Variants in ZBTB34 observed in about 807,000 individuals in gnomAD.
The protein encoded by ZBTB34 is zinc finger and BTB domain containing 34.
A neutral mutation model predicts 33.4 loss-of-function variants in ZBTB34; 1 was observed. The ratio of observed to expected loss-of-function variants is 0.03; its 90% CI spans 0.01 to 0.14. The LOEUF is 0.14. Among genes scored for constraint, ZBTB34 ranks in the 10% least tolerant of loss-of-function variants. The pLI is 1.00. For synonymous variants in ZBTB34, 283 were observed against 253.5 expected (o/e 1.12, Z -1.11); for missense variants, 406 against 657.2 (o/e 0.62, Z 4.18).
chr9:126,862,773 GT>G (rs143677742), intron 1 of ZBTB34, among the ~76,000 whole-genome samples: 1 of 152,084 alleles, frequency 6.6e-6, no homozygotes, highest in Non-Finnish European at 1.5e-5. Flanking sequence ...TGGAGTGGGA[GT>G]TTTTTTAAGG....
chr9:126,863,915 T>C (rs2033170615), intron 1 of ZBTB34, among the ~76,000 whole-genome samples: 2 of 152,240 alleles, frequency 1.3e-5, no homozygotes, highest in Non-Finnish European at 2.9e-5. Context: ...TTTTTCCTAC[T>C]TCACTGACAG....
At chr9:126,862,378 A>C (rs2033153481) in intron 1 of ZBTB34, among the ~76,000 whole-genome samples, 1 of 152,188 alleles carries the variant, frequency 6.6e-6, no homozygotes, top group Admixed American at 6.5e-5. Context: ...TTAAGAGGCC[A>C]CGGCAGTTAT....
At chr9:126,883,838 G>A (rs945048440) in exon 2 of ZBTB34, 4 of 167,128 alleles carry the variant, frequency 2.4e-5, no homozygotes, top group Non-Finnish European at 5.9e-5. Context: ...TGACTGGTGA[G>A]AGATTAACTC....
chr9:126,875,187 G>A (rs1455062694), intron 1 of ZBTB34, among the ~76,000 whole-genome samples: 1 of 152,166 alleles, frequency 6.6e-6, no homozygotes, highest in Non-Finnish European at 1.5e-5. Flanking sequence ...TGAAAAGAAT[G>A]TAAAATGTCT....
intron 1 of ZBTB34, among the ~76,000 whole-genome samples, chr9:126,875,239 G>A (rs1223678483): frequency 6.6e-6 from 1 of 151,978 alleles, no homozygotes; most frequent in East Asian, 1.9e-4. Flanking sequence ...GATGTATTGG[G>A]TTATATAAAA....
intron 1 of ZBTB34, among the ~76,000 whole-genome samples, chr9:126,862,917 T>C (rs867512058): frequency 0.026 from 26 of 1,008 alleles, no homozygotes; most frequent in African/African-American, 0.047. Context: ...TAATTTGCCT[T>C]TTTTTTTTTT....
intron 1 of ZBTB34, among the ~76,000 whole-genome samples, chr9:126,865,214 C>T (rs1198064935): frequency 6.6e-6 from 1 of 152,206 alleles, no homozygotes; most frequent in Non-Finnish European, 1.5e-5. Context: ...TCCCGCATCT[C>T]TGGGGTCTCC....
chr9:126,883,841 A>G (rs1369899228), exon 2 of ZBTB34: 1 of 167,090 alleles, frequency 6.0e-6, no homozygotes, highest in Non-Finnish European at 1.5e-5. Flanking sequence ...CTGGTGAGAG[A>G]TTAACTCCAT....
intron 1 of ZBTB34, among the ~76,000 whole-genome samples, chr9:126,877,661 A>T (rs2033379626): frequency 6.6e-6 from 1 of 152,204 alleles, no homozygotes; most frequent in Non-Finnish European, 1.5e-5. Flanking sequence ...ATTCCTTTTG[A>T]TGTGTCCATC....
At chr9:126,863,921 G>A (rs1424814952) in intron 1 of ZBTB34, among the ~76,000 whole-genome samples, 1 of 152,132 alleles carries the variant, frequency 6.6e-6, no homozygotes, top group African/African-American at 2.4e-5. Context: ...CTACTTCACT[G>A]ACAGAAGTAA....
At position 126,861,018 on chromosome 9, in the gene ZBTB34, C is replaced by T. The variant is rs993244126; in HGVS notation, c.-11+279C>T. Among the ~76,000 whole-genome samples, 12 of 152,070 alleles carry T rather than the reference C, an allele frequency of 7.9e-5. No individual in the cohort carries two copies. The East Asian group carries it at 2.3e-3, about 30-fold the overall frequency. On this transcript the variant is annotated intron_variant, in intron 1 of 1. Coordinates refer to ENST00000319119, the Ensembl canonical transcript of ZBTB34. ...TCCTGGAGTCCCGGCGCCGCTGGCC[C>T]GGCTGAGGGTCGCGCTCGGGCAGCT...
exon 2 of ZBTB34, chr9:126,882,823 G>C (rs1185510133): frequency 1.2e-5 from 2 of 167,076 alleles, no homozygotes; most frequent in East Asian, 3.8e-4. Flanking sequence ...GAAATAAAAA[G>C]TCATTCAAGC....
chr9:126,867,992 C>G (rs1277467670), intron 1 of ZBTB34, among the ~76,000 whole-genome samples: 1 of 152,038 alleles, frequency 6.6e-6, no homozygotes, highest in Non-Finnish European at 1.5e-5. Context: ...GCCTTTTTGC[C>G]TCTTTTACTA....
At chr9:126,885,646 G>A (rs1255250216) in exon 2 of ZBTB34, 1 of 167,042 alleles carries the variant, frequency 6.0e-6, no homozygotes, top group Admixed American at 6.5e-5. Context: ...AGCGGATGCT[G>A]TATCAACTAG....
rs777747817 is a variant in ZBTB34, at chr9:126,879,644, A to G, written c.245A>G (p.Asn82Ser). Residue 82 changes from asparagine to serine, a missense_variant, in exon 2 of 2, where the codon AAT (asparagine) becomes AGT (serine). By Grantham distance (46) the Asn-to-Ser change is conservative. Around this residue, in one of 6 missense-constraint regions of ZBTB34, gnomAD observed 50 missense variants for 157.9 expected, o/e 0.32. Coordinates refer to ENST00000319119, the Ensembl canonical transcript of ZBTB34. This position sits in a 1 kb window ranked among gnomAD's most constrained non-coding sequence, Gnocchi z 6.4. ...TCAATATCAGTGATTAAAAATCCCA[A>G]TGTGTTTGAGCAGTTGCTTTCTTTT... is the stretch of plus-strand genomic sequence containing the variant. 6.8e-6 allele frequency: 11 copies of G among 1,613,560 alleles called. No individual in the cohort carries two copies. The African/African-American group carries it at 8.0e-5, about 12-fold the overall frequency.
chr9:126,873,233 A>G (rs2033304821), intron 1 of ZBTB34, among the ~76,000 whole-genome samples: 1 of 152,240 alleles, frequency 6.6e-6, no homozygotes, highest in African/African-American at 2.4e-5. Flanking sequence ...AGTTTTGCCA[A>G]TTTGAGAAAG....
chr9:126,877,648 G>A (rs1044338313), intron 1 of ZBTB34, among the ~76,000 whole-genome samples: 4 of 152,186 alleles, frequency 2.6e-5, no homozygotes, highest in Non-Finnish European at 5.9e-5. Flanking sequence ...CTAGTAGAAG[G>A]TGATTCCTTT....
chr9:126,880,120 A>C lies in ZBTB34; in HGVS notation c.721A>C (p.Lys241Gln). Residue 241 changes from lysine to glutamine, a missense_variant, in exon 2 of 2, where the codon AAG (lysine) becomes CAG (glutamine). Coordinates refer to ENST00000319119, the Ensembl canonical transcript of ZBTB34. The surrounding 1 kb of genome is among the most constrained non-coding windows in gnomAD (Gnocchi z 6.7). ...GAGCCAGATCACCGAGGTGAAAGTG[A>C]AGATGGAGAAGTCCGACCGGCCCAG... 1 of 1,613,698 alleles carries C rather than the reference A, an allele frequency of 6.2e-7. No homozygotes were observed. The highest frequency in any genetic ancestry group is 8.5e-7 in the Non-Finnish European group (1 of 1,179,864).
exon 2 of ZBTB34, chr9:126,881,090 C>A: frequency 4.3e-6 from 3 of 704,788 alleles, no homozygotes; most frequent in Non-Finnish European, 7.0e-6. Context: ...GCCCTCCCTC[C>A]CCGAAGGAGC....
Sources: allele counts gnomAD v4.1 joint callset (sites outside exome capture counted in the v4.1 genomes callset), GRCh38; gene constraint gnomAD v4.1.1; regional missense constraint gnomAD v4.1.1; non-coding constraint Gnocchi (gnomAD v3.1); transcripts MANE v1.5; gene names NCBI Gene and HGNC (gene_info 2026-07-23, HGNC 2026-07-21).